The following RBFOX1 variants were observed in gnomAD, a reference collection of about 807,000 sequenced individuals.
RBFOX1 encodes the protein RNA binding protein fox-1 homolog 1.
RBFOX1 carries 8 observed loss-of-function variants against 57.7 expected under a neutral mutation model. The ratio of observed to expected loss-of-function variants is 0.14; its 90% CI spans 0.08 to 0.25. The LOEUF is 0.25. Among genes scored for constraint, RBFOX1 ranks in the 10% least tolerant of loss-of-function variants. The pLI, the probability that RBFOX1 is intolerant of heterozygous loss-of-function variation, is 1.00. For missense variants in RBFOX1, 611 were observed against 548.5 expected (o/e 1.11, Z -1.14); for synonymous variants, 326 against 222.4 (o/e 1.47, Z -4.15).
At chr16:6,636,813 A>AATAT (rs369340131) in intron 2 of RBFOX1, among the ~76,000 whole-genome samples, 2 of 44,252 alleles carry the variant, frequency 4.5e-5, no homozygotes, top group Non-Finnish European at 9.9e-5. Context: ...TATAATATAT[A>AATAT]ATATATAATA....
intron 3 of RBFOX1, among the ~76,000 whole-genome samples, chr16:7,002,258 A>C (rs949916589): frequency 6.6e-6 from 1 of 152,176 alleles, no homozygotes. Flanking sequence ...GCATGAAGTT[A>C]ATCTATCTAC....
At chr16:6,489,526 A>G (rs1444243459) in intron 2 of RBFOX1, among the ~76,000 whole-genome samples, 3 of 152,132 alleles carry the variant, frequency 2.0e-5, no homozygotes, top group Admixed American at 2.0e-4. Context: ...GCTGGGGTTT[A>G]AACTCCAAAG....
intron 10 of RBFOX1, among the ~76,000 whole-genome samples, chr16:7,616,706 AT>A (rs1568115419): frequency 6.6e-6 from 1 of 152,028 alleles, no homozygotes; most frequent in African/African-American, 2.4e-5. Flanking sequence ...TAACTTTTGT[AT>A]TTTTAGTAGA....
chr16:7,409,444 G>A (rs752593243), intron 4 of RBFOX1, among the ~76,000 whole-genome samples: 10 of 152,230 alleles, frequency 6.6e-5, no homozygotes, highest in Non-Finnish European at 8.8e-5. Context: ...TTCTTTCCCC[G>A]TCCCCATTGT....
intron 4 of RBFOX1, among the ~76,000 whole-genome samples, chr16:7,110,864 T>C (rs1044347306): frequency 6.6e-6 from 1 of 152,182 alleles, no homozygotes; most frequent in Non-Finnish European, 1.5e-5. Context: ...GAATATGTGT[T>C]CCCTCCCATC....
At chr16:7,128,937 C>T (rs534748808) in intron 4 of RBFOX1, among the ~76,000 whole-genome samples, 1 of 151,190 alleles carries the variant, frequency 6.6e-6, no homozygotes, top group Admixed American at 6.6e-5. Flanking sequence ...TCTCCTGCCT[C>T]AACCTCCCAA....
At chr16:6,911,462 G>T (rs556015054) in intron 3 of RBFOX1, among the ~76,000 whole-genome samples, 4 of 152,136 alleles carry the variant, frequency 2.6e-5, no homozygotes, top group Admixed American at 1.3e-4. Flanking sequence ...AACTCTGTCA[G>T]TGTGATCTCT....
Position 5,967,002 on chromosome 16 carries a change from G to GGGGGT in RBFOX1, c.351+99669_351+99670insGGTGG, listed in dbSNP as rs796981395. ...TTCTTGCACTAAATCGGGGGGGGGG[G>GGGGGT]GGTCAATAAATGATAGCTCAGGTGC... is the stretch of plus-strand genomic sequence containing the variant. On this transcript the variant is annotated intron_variant, in intron 4 of 19. Transcript: ENST00000641259. Among the ~76,000 whole-genome samples the GGGGGT allele has an allele frequency of 3.0e-3, 316 of 103,802 alleles. 3 individuals are homozygous for GGGGGT. Among genetic ancestry groups the GGGGGT allele is most frequent in the Middle Eastern group, 6.3e-3 (1 of 160 alleles). The allele number at this position is 103,802 out of a possible 152,430, so 68.1% of individuals were successfully genotyped here. A position where few individuals can be genotyped will look rare whatever the true frequency, so the allele number is the denominator to read the frequency against.
intron 4 of RBFOX1, among the ~76,000 whole-genome samples, chr16:7,112,083 A>G (rs2064895964): frequency 6.6e-6 from 1 of 152,222 alleles, no homozygotes; most frequent in African/African-American, 2.4e-5. Flanking sequence ...TAATTTCATT[A>G]GAAACAAAAA....
At chr16:5,909,187 G>C (rs556409549) in intron 4 of RBFOX1, among the ~76,000 whole-genome samples, 6 of 145,122 alleles carry the variant, frequency 4.1e-5, no homozygotes, top group Non-Finnish European at 7.5e-5. Flanking sequence ...CCGCCTCCCG[G>C]GTTCACGCCA....
At chr16:7,005,529 T>G (rs895975871) in intron 3 of RBFOX1, among the ~76,000 whole-genome samples, 1 of 152,118 alleles carries the variant, frequency 6.6e-6, no homozygotes, top group African/African-American at 2.4e-5. Flanking sequence ...CAATGATAAG[T>G]GTTCTGTAAT....
chr16:7,261,625 T>C lies in RBFOX1; in HGVS notation c.27+209527T>C, dbSNP rs570766765. Among the ~76,000 whole-genome samples, 5 of 152,332 alleles carry C rather than the reference T, an allele frequency of 3.3e-5. No homozygotes were observed. In the South Asian group the frequency reaches 8.3e-4, roughly 25 times the overall value. ...GCAGTATAGAATGAGGCTCAGGAAC[T>C]CAGGCTCTGTAGGCTCTCTCCACTC... On this transcript the variant is annotated intron_variant, in intron 4 of 15. Coordinates refer to ENST00000550418, the MANE Select transcript of RBFOX1 (RefSeq NM_018723.4).
downstream of RBFOX1, among the ~76,000 whole-genome samples, chr16:5,602,711 TTTTC>T (rs753175971): frequency 1.0e-3 from 156 of 152,272 alleles, no homozygotes; most frequent in Non-Finnish European, 1.6e-3. Flanking sequence ...TGAGCAGTTA[TTTTC>T]TTTGACAGTG....
At chr16:6,167,509 A>T (rs957424047) in intron 1 of RBFOX1, among the ~76,000 whole-genome samples, 6 of 151,956 alleles carry the variant, frequency 3.9e-5, no homozygotes, top group African/African-American at 1.2e-4. Flanking sequence ...TAACGGTTTT[A>T]TTACTCTTTG....
chr16:7,421,043 C>G (rs979350151), intron 4 of RBFOX1, among the ~76,000 whole-genome samples: 3 of 151,668 alleles, frequency 2.0e-5, no homozygotes, highest in African/African-American at 7.3e-5. Flanking sequence ...ACTTGATGAA[C>G]CATACCTGAC....
intron 1 of RBFOX1, among the ~76,000 whole-genome samples, chr16:5,409,744 T>C (rs1170546878): frequency 6.6e-6 from 1 of 151,982 alleles, no homozygotes; most frequent in Admixed American, 6.6e-5. Flanking sequence ...AGTATTCCAG[T>C]CTCTTAAAAA....
At chr16:6,898,222 G>A (rs188569513) in intron 3 of RBFOX1, among the ~76,000 whole-genome samples, 3 of 152,156 alleles carry the variant, frequency 2.0e-5, no homozygotes, top group African/African-American at 4.8e-5. Flanking sequence ...ACCCATGGCC[G>A]CCCCTTTGGC....
chr16:6,769,161 C>T (rs1044609050), intron 3 of RBFOX1, among the ~76,000 whole-genome samples: 2 of 152,160 alleles, frequency 1.3e-5, no homozygotes, highest in African/African-American at 4.8e-5. Context: ...GTCATTCCCA[C>T]GCTGTTCTCA....
At chr16:6,771,852 T>C (rs756275724) in intron 3 of RBFOX1, among the ~76,000 whole-genome samples, 4 of 152,168 alleles carry the variant, frequency 2.6e-5, no homozygotes, top group Non-Finnish European at 5.9e-5. Flanking sequence ...AGAAGATGCA[T>C]TACTGTCAGG....
Sources: gnomAD v4.1 joint callset for allele counts (sites outside exome capture counted in the v4.1 genomes callset) on GRCh38, gnomAD v4.1.1 for gene constraint, MANE v1.5 for transcripts, NCBI Gene and HGNC (gene_info 2026-07-23, HGNC 2026-07-21) for gene names.